MCCC1: variants seen among roughly 807,000 people sequenced by gnomAD.
MCCC1 encodes the protein methylcrotonoyl-CoA carboxylase subunit alpha, mitochondrial.
Under a neutral mutation model 83.8 loss-of-function variants are expected in MCCC1, and 64 were observed. The observed-to-expected ratio is 0.76, with a 90% CI of 0.62 to 0.94. The LOEUF (loss-of-function observed/expected upper bound fraction) is 0.94. Ranked by LOEUF, MCCC1 falls within the 40% of genes least tolerant of loss-of-function variation. The pLI, the probability that MCCC1 is intolerant of heterozygous loss-of-function variation, is 0.00. For missense variants in MCCC1, 807 were observed against 904.7 expected, an observed-to-expected ratio of 0.89 and a Z score of 1.39; for synonymous variants, 322 against 315.4, an observed-to-expected ratio of 1.02 and a Z score of -0.22.
At chr3:183,045,949 C>G (rs1221319810) in intron 9 of MCCC1, among the ~76,000 whole-genome samples, 2 of 152,076 alleles carry the variant, frequency 1.3e-5, no homozygotes, top group South Asian at 2.1e-4. Flanking sequence ...CTAGGAATTT[C>G]TTTTTAAAGC....
At chr3:183,093,811 G>A (rs1718537041) in intron 2 of MCCC1, among the ~76,000 whole-genome samples, 1 of 152,092 alleles carries the variant, frequency 6.6e-6, no homozygotes, top group Admixed American at 6.5e-5. Flanking sequence ...TATCCAATCA[G>A]CTAGAAGTTA....
intron 1 of MCCC1, among the ~76,000 whole-genome samples, chr3:183,114,032 C>T (rs1271543937): frequency 6.6e-6 from 1 of 152,198 alleles, no homozygotes; most frequent in Non-Finnish European, 1.5e-5. Flanking sequence ...TTGGCTCTTT[C>T]ACTGGCAGCC....
chr3:183,098,180 C>T (rs1577374018), intron 1 of MCCC1, among the ~76,000 whole-genome samples: 2 of 152,340 alleles, frequency 1.3e-5, no homozygotes, highest in African/African-American at 2.4e-5. Context: ...CTGCCCGCCT[C>T]GGCGTCCCAA....
At chr3:183,026,637 G>A (rs1055458651) in intron 14 of MCCC1, among the ~76,000 whole-genome samples, 1 of 152,118 alleles carries the variant, frequency 6.6e-6, no homozygotes, top group Non-Finnish European at 1.5e-5. Context: ...TTGAACCTGC[G>A]AGGTGGAGGT....
At chr3:183,016,899 A>T (rs893091051) in intron 18 of MCCC1, among the ~76,000 whole-genome samples, 1 of 152,252 alleles carries the variant, frequency 6.6e-6, no homozygotes, top group African/African-American at 2.4e-5. Context: ...TAGAACCAAG[A>T]TAATACCAAC....
upstream of MCCC1, chr3:183,099,657 C>T: frequency 1.6e-6 from 1 of 623,510 alleles, no homozygotes; most frequent in Non-Finnish European, 2.8e-6. Flanking sequence ...GGCAGTCTGG[C>T]CACGTGCTCG....
Sources: gnomAD v4.1 joint callset for allele counts (sites outside exome capture counted in the v4.1 genomes callset) on GRCh38, gnomAD v4.1.1 for gene constraint, MANE v1.5 for transcripts, NCBI Gene and HGNC (gene_info 2026-07-23, HGNC 2026-07-21) for gene names.